NWD1: variants seen among roughly 807,000 people sequenced by gnomAD.
NWD1 encodes NACHT domain- and WD repeat-containing protein 1.
A neutral mutation model predicts 135.1 loss-of-function variants in NWD1; 129 were observed. The ratio of observed to expected loss-of-function variants is 0.96; its 90% CI spans 0.83 to 1.11. NWD1 has a LOEUF of 1.11. Ranked by LOEUF, NWD1 falls within the 50% of genes least tolerant of loss-of-function variation. The pLI is 0.00. For missense variants in NWD1, 1,740 were observed against 1,851.3 expected (o/e 0.94, Z 1.10); for synonymous variants, 773 against 786.0 (o/e 0.98, Z 0.28).
chr19:16,771,607 C>T (rs1969413729), intron 10 of NWD1, among the ~76,000 whole-genome samples: 2 of 152,152 alleles, frequency 1.3e-5, no homozygotes, highest in Admixed American at 6.6e-5. Flanking sequence ...GCATGACTTC[C>T]CATTTTAAGG....
At chr19:16,756,454 T>C (rs943828775) in intron 6 of NWD1, among the ~76,000 whole-genome samples, 1 of 152,142 alleles carries the variant, frequency 6.6e-6, no homozygotes, top group South Asian at 2.1e-4. Context: ...AGTGGACTCA[T>C]GCAGTTCAAA....
At chr19:16,774,941 C>T (rs549925503) in intron 11 of NWD1, among the ~76,000 whole-genome samples, 43 of 152,184 alleles carry the variant, frequency 2.8e-4, no homozygotes, top group Non-Finnish European at 4.7e-4. Flanking sequence ...TACCCATCTA[C>T]CTGCCCATCC....
chr19:16,815,421 GGT>G lies in NWD1; in HGVS notation c.*385_*386del, dbSNP rs1194958670. The G allele has an allele frequency of 3.2e-6, 2 of 618,638 alleles. No individual in the cohort carries two copies. Among genetic ancestry groups the G allele is most frequent in the East Asian group, 5.4e-5 (2 of 36,774 alleles). The allele number at this position is 618,638 out of a possible 1,614,324, so 38.3% of individuals were successfully genotyped here. A position where few individuals can be genotyped will look rare whatever the true frequency, so the allele number is the denominator to read the frequency against. On this transcript the variant is annotated 3_prime_UTR_variant, in exon 19 of 19. Transcript: ENST00000524140. ...TTAAAGCAAAAAGAATACGTTTGCT[GGT>G]GTATATCTGGACCCATGGCTTCAGA... is the stretch of plus-strand genomic sequence containing the variant.
At chr19:16,736,209 TTTCC>T (rs756580912) in intron 3 of NWD1, among the ~76,000 whole-genome samples, 1 of 117,034 alleles carries the variant, frequency 8.5e-6, no homozygotes, top group Non-Finnish European at 1.8e-5. Context: ...TCCTTCCTTC[TTTCC>T]TTCCTTCCTT....
intron 5 of NWD1, among the ~76,000 whole-genome samples, chr19:16,748,421 G>A (rs924869598): frequency 6.6e-6 from 1 of 152,164 alleles, no homozygotes; most frequent in African/African-American, 2.4e-5. Context: ...ATTGCTGGGC[G>A]TGATAGTAAC....
At chr19:16,721,652 G>C (rs1462683215) in intron 1 of NWD1, 1 of 152,092 alleles carries the variant, frequency 6.6e-6, no homozygotes, top group Non-Finnish European at 1.5e-5. Context: ...GGGCCGGGCT[G>C]GGTTTATGGG....
At chr19:16,750,505 A>T in intron 6 of NWD1, 94 bp downstream of exon 6, 1 of 995,640 alleles carries the variant, frequency 1.0e-6, no homozygotes, top group Non-Finnish European at 1.4e-6. Flanking sequence ...CCCAGGCTGG[A>T]GTGCAGTGGT....
At chr19:16,730,186 G>T (rs1177318506) in intron 2 of NWD1, among the ~76,000 whole-genome samples, 1 of 152,032 alleles carries the variant, frequency 6.6e-6, no homozygotes, top group Non-Finnish European at 1.5e-5. Context: ...GCCAGGTGTG[G>T]TGGTGCACGC....
At chr19:16,746,812 AAT>A (rs1968341031) in intron 5 of NWD1, among the ~76,000 whole-genome samples, 1 of 152,176 alleles carries the variant, frequency 6.6e-6, no homozygotes, top group Non-Finnish European at 1.5e-5. Context: ...AGGAAGAGAA[AAT>A]ATGTTTGCTG....
At chr19:16,720,832 C>T (rs1967107583) in intron 1 of NWD1, among the ~76,000 whole-genome samples, 1 of 151,968 alleles carries the variant, frequency 6.6e-6, no homozygotes, top group African/African-American at 2.4e-5. Context: ...GGATTACAGG[C>T]GTGAGCCACC....
intron 17 of NWD1, among the ~76,000 whole-genome samples, chr19:16,802,555 C>T (rs796093683): frequency 6.6e-6 from 1 of 151,952 alleles, no homozygotes; most frequent in South Asian, 2.1e-4. Context: ...ACCCCCTTCA[C>T]CTTTTGTATT....
At chr19:16,741,199 T>A (rs970386640) in intron 4 of NWD1, among the ~76,000 whole-genome samples, 18 of 152,080 alleles carry the variant, frequency 1.2e-4, no homozygotes, top group Non-Finnish European at 2.1e-4. Context: ...TTATCCCCCT[T>A]CGCTGTCCCT....
rs190971119 is a variant in NWD1, at chr19:16,785,128, G to C, written c.2732-3854G>C. Among the ~76,000 whole-genome samples, 47 of 152,098 alleles carry C rather than the reference G, an allele frequency of 3.1e-4. No homozygotes were observed. In the East Asian group the frequency reaches 8.9e-3, roughly 29 times the overall value. On this transcript the variant is annotated intron_variant, in intron 12 of 18. Coordinates refer to ENST00000524140, the MANE Select transcript of NWD1 (RefSeq NM_001007525.5). ...CTGATGGGGACAGGGTCTCCTTCTG[G>C]GGGGTTGCGAATGTTCTGGAACTAG...
At chr19:16,790,743 C>T (rs58317694) in intron 13 of NWD1, among the ~76,000 whole-genome samples, 7,948 of 151,634 alleles carry the variant, frequency 0.052, 683 homozygotes, top group African/African-American at 0.18. Flanking sequence ...TAATATAAAC[C>T]ATCTCAATAA....
At position 16,732,516 on chromosome 19, in the gene NWD1, G is replaced by A. The variant is rs79337417; in HGVS notation, c.81+1238G>A. Among the ~76,000 whole-genome samples the A allele has an allele frequency of 3.2e-3, 488 of 150,746 alleles. 7 individuals are homozygous for A. Among genetic ancestry groups the A allele is most frequent in the African/African-American group, 0.011 (471 of 40,978 alleles). On this transcript the variant is annotated intron_variant, in intron 3 of 18. Coordinates refer to ENST00000524140, the MANE Select transcript of NWD1 (RefSeq NM_001007525.5). ...GGTTGGACATGCCTTTTTCTAGAAC[G>A]CTGATGGTGTACCTGTTTGGCACAG... is the stretch of plus-strand genomic sequence containing the variant.
At chr19:16,796,029 G>A (rs1481215629) in intron 15 of NWD1, among the ~76,000 whole-genome samples, 1 of 152,148 alleles carries the variant, frequency 6.6e-6, no homozygotes, top group Non-Finnish European at 1.5e-5. Context: ...TCAGGGGAGA[G>A]GGGATGTGAA....
At chr19:16,736,815 C>A in intron 4 of NWD1, 65 bp downstream of exon 4, 1 of 950,804 alleles carries the variant, frequency 1.1e-6, no homozygotes, top group Non-Finnish European at 1.6e-6. Context: ...GCTTTCTAGA[C>A]AAACTGATCA....
chr19:16,738,890 A>ATAATACAT (rs1967967534), intron 4 of NWD1, among the ~76,000 whole-genome samples: 1 of 143,810 alleles, frequency 7.0e-6, no homozygotes, highest in African/African-American at 2.5e-5. Context: ...TATATTATAT[A>ATAATACAT]TATATATATT....
At chr19:16,813,243 G>A (rs1413151377) in intron 18 of NWD1, among the ~76,000 whole-genome samples, 1 of 152,086 alleles carries the variant, frequency 6.6e-6, no homozygotes, top group African/African-American at 2.4e-5. Flanking sequence ...ACTAGTAGTG[G>A]GGGGCTGGTT....
Sources: gnomAD v4.1 joint callset for allele counts (sites outside exome capture counted in the v4.1 genomes callset) on GRCh38, gnomAD v4.1.1 for gene constraint, MANE v1.5 for transcripts, NCBI Gene and HGNC (gene_info 2026-07-23, HGNC 2026-07-21) for gene names.